The following NLRP7 variants were observed in gnomAD, a reference collection of about 807,000 sequenced individuals.
NLRP7 encodes the protein NACHT, LRR and PYD domains-containing protein 7.
Under a neutral mutation model 85.5 loss-of-function variants are expected in NLRP7, and 72 were observed. That is an observed-to-expected ratio of 0.84 (90% CI 0.70 to 1.02). The LOEUF is 1.02. NLRP7 is among the 50% of genes least tolerant of loss of function. The pLI is 0.00. For synonymous variants in NLRP7, 550 were observed against 505.2 expected (o/e 1.09, Z -1.19); for missense variants, 1,243 against 1,219.5 (o/e 1.02, Z -0.29).
chr19:54,932,018 T>C (rs1310287546), intron 8 of NLRP7, among the ~76,000 whole-genome samples: 1 of 152,168 alleles, frequency 6.6e-6, no homozygotes, highest in South Asian at 2.1e-4. Context: ...GTCATTTTAT[T>C]TCATGTTTAA....
In NLRP7 at chr19:54,938,247, G is replaced by A. The variant is rs1311363287; in HGVS notation, c.1932-6C>T. On this transcript the variant is annotated splice_region_variant and splice_polypyrimidine_tract_variant and intron_variant, in intron 4 of 9. Transcript: ENST00000340844. The stretch of plus-strand genomic sequence containing the variant: ...GAATGGTTAGGTAAGTGCACCTGCA[G>A]GAGAACACACGTTCATCTCTTAGGA... The A allele has an allele frequency of 6.2e-7, 1 of 1,613,236 alleles. No individual in the cohort carries two copies. Among genetic ancestry groups the A allele is most frequent in the Admixed American group, 1.7e-5 (1 of 59,968 alleles).
chr19:54,956,138 A>G (rs186732596), intron 1 of NLRP7, among the ~76,000 whole-genome samples: 156 of 137,574 alleles, frequency 1.1e-3, no homozygotes, highest in African/African-American at 5.3e-3. Context: ...AGAGAAAGGA[A>G]GGAAGGAGGG....
intron 5 of NLRP7, 135 bp downstream of exon 5, chr19:54,937,909 A>T (rs1400758636): frequency 2.7e-6 from 2 of 732,914 alleles, no homozygotes; most frequent in East Asian, 5.0e-5. Flanking sequence ...CCAAAAAAAA[A>T]AAAAAAAAAA....
At chr19:54,924,771 A>C (rs1433528865) in intron 9 of NLRP7, among the ~76,000 whole-genome samples, 1 of 152,094 alleles carries the variant, frequency 6.6e-6, no homozygotes, top group Non-Finnish European at 1.5e-5. Flanking sequence ...CCCCGTCTCT[A>C]CTAAAAATAC....
chr19:54,953,720 A>G (rs2069750522), intron 1 of NLRP7, among the ~76,000 whole-genome samples: 1 of 151,866 alleles, frequency 6.6e-6, no homozygotes, highest in Non-Finnish European at 1.5e-5. Context: ...GAATCCAGCC[A>G]GGCCGGGCGC....
intron 6 of NLRP7, 70 bp downstream of exon 6, chr19:54,936,191 T>G (rs746964435): frequency 9.1e-6 from 13 of 1,424,190 alleles, no homozygotes; most frequent in Non-Finnish European, 1.3e-5. Context: ...TTACCCTTTT[T>G]CCTAGATCCC....
chr19:54,951,171 G>A (rs1273438264), upstream of NLRP7, among the ~76,000 whole-genome samples: 2 of 152,154 alleles, frequency 1.3e-5, no homozygotes, highest in African/African-American at 4.8e-5. Flanking sequence ...TCTTAGTACA[G>A]AACAAAATGA....
At chr19:54,951,799 G>A (rs1374376679), upstream of NLRP7, among the ~76,000 whole-genome samples, 2 of 151,118 alleles carry the variant, frequency 1.3e-5, no homozygotes, top group African/African-American at 2.4e-5. Context: ...CGCCCAGGCT[G>A]GAGGGCAGTG....
intron 1 of NLRP7, among the ~76,000 whole-genome samples, chr19:54,943,462 G>A (rs1030545272): frequency 4.6e-5 from 7 of 152,050 alleles, no homozygotes; most frequent in East Asian, 3.9e-4. Context: ...TTAGCCGGGC[G>A]TGGTGGCGGG....
intron 4 of NLRP7, 41 bp downstream of exon 4, chr19:54,938,847 C>A: frequency 6.2e-7 from 1 of 1,608,524 alleles, no homozygotes; most frequent in Non-Finnish European, 8.5e-7. Flanking sequence ...GAGACGCTGG[C>A]CTCTTCCTAG....
At chr19:54,923,973 T>G in intron 9 of NLRP7, 101 bp from the exon 11 acceptor site, 1 of 1,268,874 alleles carries the variant, frequency 7.9e-7, no homozygotes. Context: ...GAAACGTTTT[T>G]GGGATTTTCT....
chr19:54,963,799 G>A (rs1397901611), intron 1 of NLRP7, among the ~76,000 whole-genome samples: 12 of 149,552 alleles, frequency 8.0e-5, no homozygotes, highest in Admixed American at 3.3e-4. Flanking sequence ...ACTCCAGCCC[G>A]GGCGACAGTG....
chr19:54,933,764 A>G, intron 7 of NLRP7, 25 bp from the exon 8 acceptor site: 1 of 1,600,840 alleles, frequency 6.2e-7, no homozygotes, highest in East Asian at 2.2e-5. Flanking sequence ...AACAAATGGT[A>G]GAAGGATGAG....
In NLRP7 at chr19:54,924,011, A is replaced by ACAGGGTCTTGCTCTGTTGCCCT. The variant is rs1183778716; in HGVS notation, c.2811-140_2811-139insAGGGCAACAGAGCAAGACCCTG. On this transcript the variant is annotated intron_variant, in intron 9 of 9. Transcript: ENST00000340844. ...GGGACAGGGTCTTGCTCTGTTGCCC[A>ACAGGGTCTTGCTCTGTTGCCCT]GGCTGGGGTACAGTGGTGCCATCTT... is the stretch of plus-strand genomic sequence containing the variant. 62 of 907,160 alleles carry ACAGGGTCTTGCTCTGTTGCCCT rather than the reference A, an allele frequency of 6.8e-5. No individual in the cohort carries two copies. The Admixed American group carries it at 1.0e-3, about 15-fold the overall frequency. 56.2% of individuals were successfully genotyped at this position (907,160 alleles called of 1,614,324 possible).
intron 1 of NLRP7, among the ~76,000 whole-genome samples, chr19:54,960,413 C>T (rs757551057): frequency 5.9e-5 from 9 of 151,598 alleles, no homozygotes; most frequent in Non-Finnish European, 1.2e-4. Flanking sequence ...ATCTCAGCCT[C>T]CCAAAGTGCT....
At chr19:54,929,097 G>C (rs376533389) in intron 9 of NLRP7, among the ~76,000 whole-genome samples, 25 of 152,308 alleles carry the variant, frequency 1.6e-4, no homozygotes, top group African/African-American at 5.5e-4. Context: ...GGCCAGGAAT[G>C]GTGGCTCATG....
rs758358999 is a variant in NLRP7, at chr19:54,940,473, T to TGACA, written c.353-11_353-8dup. ...CTCCATCCTTCCTTTTCACCTGCAGTGACAGCCCATAGGACAGTTGAGGTT... is the reference window on the plus strand; with the variant it reads ...CTCCATCCTTCCTTTTCACCTGCAGTGACAGACAGCCCATAGGACAGTTGAGGTT... On this transcript the variant is annotated splice_polypyrimidine_tract_variant and splice_region_variant and intron_variant, in intron 3 of 9. Transcript: ENST00000340844. 18 of 1,611,354 alleles carry TGACA rather than the reference T, an allele frequency of 1.1e-5. No individual in the cohort carries two copies. Among genetic ancestry groups the TGACA allele is most frequent in the Non-Finnish European group, 1.4e-5 (16 of 1,177,934 alleles).
intron 1 of NLRP7, among the ~76,000 whole-genome samples, chr19:54,964,440 T>C (rs1463020025): frequency 4.1e-5 from 6 of 145,592 alleles, no homozygotes; most frequent in Non-Finnish European, 7.6e-5. Flanking sequence ...ATGGTCTCGA[T>C]CTCCTGACCT....
chr19:54,959,151 T>TC lies in NLRP7; in HGVS notation c.-77+6888_-77+6889insG, dbSNP rs1322585123. ...TGTTTTTTTCTTTTTCTTTTTTTTT[T>TC]TTTTTGAGACAGAGTCTTGCTCTGT... On this transcript the variant is annotated intron_variant, in intron 1 of 2. Transcript: ENST00000587103. 2.7e-5 allele frequency among the ~76,000 whole-genome samples: 4 copies of TC among 150,494 alleles called. No individual in the cohort carries two copies. In the East Asian group the frequency reaches 5.8e-4, roughly 22 times the overall value.
Sources: allele counts gnomAD v4.1 joint callset (sites outside exome capture counted in the v4.1 genomes callset), GRCh38; gene constraint gnomAD v4.1.1; transcripts MANE v1.5; gene names NCBI Gene and HGNC (gene_info 2026-07-23, HGNC 2026-07-21).